Variants in RFX3 observed in about 807,000 individuals in gnomAD.
RFX3 encodes regulatory factor X3, also known as transcription factor RFX3.
A neutral mutation model predicts 98.6 loss-of-function variants in RFX3; 14 were observed. The ratio of observed to expected loss-of-function variants is 0.14; its 90% CI spans 0.09 to 0.22. RFX3 has a LOEUF of 0.22. Among genes scored for constraint, RFX3 ranks in the 10% least tolerant of loss-of-function variants. RFX3 has a pLI of 1.00. For missense variants in RFX3, 639 were observed against 926.9 expected (o/e 0.69, Z 4.03); for synonymous variants, 383 against 328.4 (o/e 1.17, Z -1.80).
At chr9:3,457,795 C>A (rs147507420) in intron 1 of RFX3, among the ~76,000 whole-genome samples, 2 of 151,986 alleles carry the variant, frequency 1.3e-5, no homozygotes, top group South Asian at 2.1e-4. Context: ...TTACCGATTG[C>A]CATCTATATG....
chr9:3,411,485 G>A (rs1417876208), intron 1 of RFX3, among the ~76,000 whole-genome samples: 1 of 151,940 alleles, frequency 6.6e-6, no homozygotes, highest in African/African-American at 2.4e-5. Flanking sequence ...AAGTAGCTGG[G>A]ATTACAGGCA....
intron 1 of RFX3, among the ~76,000 whole-genome samples, chr9:3,507,245 T>C (rs896825017): frequency 1.3e-5 from 2 of 151,834 alleles, no homozygotes; most frequent in Non-Finnish European, 2.9e-5. Context: ...CCACTCAAAT[T>C]TTAGAAGAGA....
chr9:3,396,611 G>A (rs1475365396), intron 1 of RFX3, among the ~76,000 whole-genome samples: 2 of 149,644 alleles, frequency 1.3e-5, no homozygotes, highest in East Asian at 2.0e-4. Context: ...CTGAGGAATC[G>A]CCACACTGAC....
chr9:3,265,546 A>G (rs376082444), intron 12 of RFX3, among the ~76,000 whole-genome samples: 1 of 152,212 alleles, frequency 6.6e-6, no homozygotes, highest in Admixed American at 6.6e-5. Context: ...ACATTTAAAT[A>G]AAATTTAGAA....
chr9:3,397,612 A>G (rs945972067), intron 1 of RFX3, among the ~76,000 whole-genome samples: 1 of 152,218 alleles, frequency 6.6e-6, no homozygotes, highest in Non-Finnish European at 1.5e-5. Flanking sequence ...TCAAGGTGAC[A>G]GGAGTAGACT....
intron 1 of RFX3, among the ~76,000 whole-genome samples, chr9:3,407,852 G>T (rs532629087): frequency 1.9e-4 from 29 of 152,074 alleles, no homozygotes; most frequent in Non-Finnish European, 3.4e-4. Flanking sequence ...ATTGAATCAT[G>T]GAATATTCAG....
chr9:3,431,379 T>C (rs1371424811), intron 1 of RFX3, among the ~76,000 whole-genome samples: 1 of 152,140 alleles, frequency 6.6e-6, no homozygotes, highest in African/African-American at 2.4e-5. Context: ...ATATGTACCA[T>C]AGATTAAGGT....
chr9:3,325,290 T>C (rs971020347), intron 4 of RFX3, among the ~76,000 whole-genome samples: 40 of 152,092 alleles, frequency 2.6e-4, no homozygotes, highest in Admixed American at 1.6e-3. Context: ...ATAAAAGCAC[T>C]CATAATTCTT....
chr9:3,277,725 G>T (rs1825420362), intron 7 of RFX3, among the ~76,000 whole-genome samples: 1 of 151,738 alleles, frequency 6.6e-6, no homozygotes, highest in Non-Finnish European at 1.5e-5. Context: ...GAATTATAAG[G>T]TATTTCTTTG....
In RFX3 at chr9:3,423,809, A is replaced by C. The variant is rs560466429; in HGVS notation, c.-8-28213T>G. Among the ~76,000 whole-genome samples, 171 of 138,934 alleles carry C rather than the reference A, an allele frequency of 1.2e-3. 1 individual carries two copies. In the South Asian group the frequency reaches 0.016, roughly 13 times the overall value. 91.1% of individuals were successfully genotyped at this position (138,934 alleles called of 152,430 possible). On this transcript the variant is annotated intron_variant, in intron 1 of 16. Transcript: ENST00000617270. Reference sequence around the variant, plus strand: ...TATATATATATATATATATATATATATATCTTAAGGTAATTTTTAAAAAGA... The same window carrying C: ...TATATATATATATATATATATATATCTATCTTAAGGTAATTTTTAAAAAGA...
intron 15 of RFX3, among the ~76,000 whole-genome samples, chr9:3,231,234 A>T (rs1281081810): frequency 1.3e-5 from 2 of 152,186 alleles, no homozygotes; most frequent in Admixed American, 6.5e-5. Context: ...TAGATTAAAA[A>T]TTTTAAAAAT....
At chr9:3,296,728 T>A (rs929350186) in intron 5 of RFX3, among the ~76,000 whole-genome samples, 7 of 151,992 alleles carry the variant, frequency 4.6e-5, no homozygotes, top group African/African-American at 1.7e-4. Flanking sequence ...TGAGAGAGAA[T>A]AAGGAAGTCA....
chr9:3,239,584 CACTT>C (rs1196349080), intron 15 of RFX3, among the ~76,000 whole-genome samples: 1 of 152,246 alleles, frequency 6.6e-6, no homozygotes, highest in Non-Finnish European at 1.5e-5. Flanking sequence ...GTCTAAGACA[CACTT>C]ACAAGTGAGT....
chr9:3,401,267 C>T (rs1054093703), intron 1 of RFX3, among the ~76,000 whole-genome samples: 2 of 152,150 alleles, frequency 1.3e-5, no homozygotes, highest in Non-Finnish European at 2.9e-5. Context: ...ATAACCCTCC[C>T]GCCAAATTTT....
intron 7 of RFX3, among the ~76,000 whole-genome samples, chr9:3,285,036 T>G (rs896172158): frequency 1.3e-5 from 2 of 151,774 alleles, no homozygotes; most frequent in Non-Finnish European, 3.0e-5. Context: ...ACAATAATCA[T>G]TCTTATCCCT....
At chr9:3,280,464 G>C (rs1825791882) in intron 7 of RFX3, among the ~76,000 whole-genome samples, 1 of 151,700 alleles carries the variant, frequency 6.6e-6, no homozygotes, top group African/African-American at 2.4e-5. Context: ...ACTGGACTGA[G>C]AAAGCCTAGA....
chr9:3,289,085 T>C (rs767760610), intron 6 of RFX3, among the ~76,000 whole-genome samples: 6 of 152,136 alleles, frequency 3.9e-5, no homozygotes, highest in Admixed American at 1.3e-4. Context: ...ATTTTAAATA[T>C]GTAAATTATT....
intron 1 of RFX3, among the ~76,000 whole-genome samples, chr9:3,416,327 T>G (rs1465961526): frequency 6.6e-6 from 1 of 152,158 alleles, no homozygotes; most frequent in African/African-American, 2.4e-5. Context: ...AGATCACATA[T>G]CTAGCAAACA....
At chr9:3,525,528 A>AC (rs1407727466) in intron 1 of RFX3, among the ~76,000 whole-genome samples, 1 of 151,598 alleles carries the variant, frequency 6.6e-6, no homozygotes, top group Non-Finnish European at 1.5e-5. Flanking sequence ...CGCGGCGCCC[A>AC]CACCCCCGAC....
Sources: gnomAD v4.1 joint callset for allele counts (sites outside exome capture counted in the v4.1 genomes callset) on GRCh38, gnomAD v4.1.1 for gene constraint, MANE v1.5 for transcripts, NCBI Gene and HGNC (gene_info 2026-07-23, HGNC 2026-07-21) for gene names.